CABCOCO1: variants seen among roughly 807,000 people sequenced by gnomAD.
CABCOCO1 encodes ciliary-associated calcium-binding coiled-coil protein 1.
Under a neutral mutation model 35.7 loss-of-function variants are expected in CABCOCO1, and 28 were observed. The ratio of observed to expected loss-of-function variants is 0.78; its 90% CI spans 0.58 to 1.07. The LOEUF is 1.07. CABCOCO1 is among the 50% of genes least tolerant of loss of function. CABCOCO1 has a pLI of 0.00. For missense variants in CABCOCO1, 326 were observed against 309.2 expected (o/e 1.05, Z -0.41); for synonymous variants, 95 against 100.1 (o/e 0.95, Z 0.30).
chr10:61,754,783 C>A (rs1372171433), intron 5 of CABCOCO1, among the ~76,000 whole-genome samples: 1 of 152,054 alleles, frequency 6.6e-6, no homozygotes, highest in Non-Finnish European at 1.5e-5. Flanking sequence ...TACTGTGTTA[C>A]CGTTCACTGT....
At chr10:61,759,997 G>T (rs1292133794) in intron 5 of CABCOCO1, 62 bp from the exon 6 acceptor site, 11 of 1,596,258 alleles carry the variant, frequency 6.9e-6, no homozygotes, top group South Asian at 2.2e-5. Flanking sequence ...TAACGGAACT[G>T]ACCGAAACTG....
intron 1 of CABCOCO1, among the ~76,000 whole-genome samples, chr10:61,663,911 A>G (rs920512553): frequency 6.6e-6 from 1 of 152,140 alleles, no homozygotes; most frequent in African/African-American, 2.4e-5. Context: ...TAAGGCTCTC[A>G]AGGTGAATAA....
At chr10:61,731,244 A>G (rs778181847) in intron 5 of CABCOCO1, among the ~76,000 whole-genome samples, 3 of 151,996 alleles carry the variant, frequency 2.0e-5, no homozygotes, top group African/African-American at 7.2e-5. Context: ...TTCTCTAACT[A>G]TATGTAAATT....
intron 5 of CABCOCO1, among the ~76,000 whole-genome samples, chr10:61,726,468 C>T (rs2132047986): frequency 1.3e-5 from 2 of 151,740 alleles, no homozygotes; most frequent in African/African-American, 4.8e-5. Context: ...ACAGAGCAAA[C>T]TATCTGGAAA....
intron 5 of CABCOCO1, among the ~76,000 whole-genome samples, chr10:61,717,793 T>C (rs1415426085): frequency 6.6e-6 from 1 of 152,138 alleles, no homozygotes; most frequent in Non-Finnish European, 1.5e-5. Context: ...GGAATTGAGG[T>C]GGGCCTTCAG....
intron 5 of CABCOCO1, among the ~76,000 whole-genome samples, chr10:61,692,662 C>T (rs921955312): frequency 1.2e-4 from 19 of 152,134 alleles, no homozygotes; most frequent in Middle Eastern, 3.2e-3. Flanking sequence ...GTCACCATTA[C>T]TCACTCTTCA....
chr10:61,700,949 GTATACATATACATACA>G (rs1564540328), intron 5 of CABCOCO1, among the ~76,000 whole-genome samples: 1 of 151,462 alleles, frequency 6.6e-6, no homozygotes, highest in East Asian at 1.9e-4. Flanking sequence ...ATACATACAT[GTATACATATACATACA>G]TGTATACATA....
chr10:61,727,950 T>C (rs749399350), intron 5 of CABCOCO1, among the ~76,000 whole-genome samples: 6 of 152,188 alleles, frequency 3.9e-5, no homozygotes, highest in Non-Finnish European at 8.8e-5. Context: ...AGGCAAAGTG[T>C]TTTATCAATG....
At chr10:61,760,025 C>G in intron 5 of CABCOCO1, 34 bp from the exon 6 acceptor site, 1 of 1,610,966 alleles carries the variant, frequency 6.2e-7, no homozygotes, top group Non-Finnish European at 8.5e-7. Flanking sequence ...TCACCAAAGG[C>G]TCTGTCATAA....
chr10:61,761,124 A>G, intron 7 of CABCOCO1, 121 bp downstream of exon 7: 1 of 1,013,384 alleles, frequency 9.9e-7, no homozygotes, highest in Non-Finnish European at 1.4e-6. Flanking sequence ...ACGAAGTTCA[A>G]TTTAACAGCT....
At position 61,720,334 on chromosome 10, in the gene CABCOCO1, C is replaced by CA. The variant is rs533400642; in HGVS notation, c.552+29721dup. Among the ~76,000 whole-genome samples the CA allele has an allele frequency of 5.5e-4, 83 of 151,160 alleles. 4 individuals carry two copies. The East Asian group carries it at 5.8e-3, about 11-fold the overall frequency. On this transcript the variant is annotated intron_variant, in intron 5 of 7. Coordinates refer to ENST00000648843, the MANE Select transcript of CABCOCO1 (RefSeq NM_001366906.2). ...TTACAAATTTTAGCAGCTTTACATGCAAAAAAAACTGTGGAACATTGTCAA... is the reference window on the plus strand; with the variant it reads ...TTACAAATTTTAGCAGCTTTACATGCAAAAAAAAACTGTGGAACATTGTCAA...
intron 5 of CABCOCO1, among the ~76,000 whole-genome samples, chr10:61,692,647 C>A (rs923446184): frequency 1.3e-5 from 2 of 152,220 alleles, no homozygotes; most frequent in African/African-American, 4.8e-5. Flanking sequence ...TTCATAAACA[C>A]CTCAGTCACC....
chr10:61,739,297 A>G (rs1841493184), intron 5 of CABCOCO1, among the ~76,000 whole-genome samples: 1 of 152,224 alleles, frequency 6.6e-6, no homozygotes, highest in African/African-American at 2.4e-5. Context: ...GAAATATTCT[A>G]TAATTCAGAC....
At chr10:61,765,486 T>C (rs1842089254) in intron 7 of CABCOCO1, among the ~76,000 whole-genome samples, 1 of 152,170 alleles carries the variant, frequency 6.6e-6, no homozygotes, top group African/African-American at 2.4e-5. Context: ...GTAAGGTTAT[T>C]TGTGTTGTTA....
intron 5 of CABCOCO1, among the ~76,000 whole-genome samples, chr10:61,747,895 A>G: frequency 6.6e-6 from 1 of 152,174 alleles, no homozygotes; most frequent in East Asian, 1.9e-4. Context: ...TCTTCATGCA[A>G]GTGTGAAAAC....
chr10:61,680,474 ATT>A (rs74194960), intron 2 of CABCOCO1, among the ~76,000 whole-genome samples: 1 of 20,006 alleles, frequency 5.0e-5, no homozygotes, highest in South Asian at 1.0e-3. Context: ...TATAATATAT[ATT>A]TATATATATA....
intron 1 of CABCOCO1, among the ~76,000 whole-genome samples, chr10:61,664,283 A>T (rs958914478): frequency 5.9e-5 from 9 of 152,224 alleles, no homozygotes; most frequent in African/African-American, 2.2e-4. Flanking sequence ...TGTTATTTAA[A>T]TATATACCAA....
intron 2 of CABCOCO1, among the ~76,000 whole-genome samples, chr10:61,673,736 A>G (rs1475601011): frequency 6.6e-6 from 1 of 152,216 alleles, no homozygotes; most frequent in Non-Finnish European, 1.5e-5. Context: ...TCTGCTGGAA[A>G]TTGATTATCT....
At chr10:61,679,592 A>C (rs913703455) in intron 2 of CABCOCO1, among the ~76,000 whole-genome samples, 2 of 152,226 alleles carry the variant, frequency 1.3e-5, no homozygotes, top group Admixed American at 6.5e-5. Context: ...AATGCCTGCT[A>C]GTTTGTAACT....
Sources: allele counts gnomAD v4.1 joint callset (sites outside exome capture counted in the v4.1 genomes callset), GRCh38; gene constraint gnomAD v4.1.1; transcripts MANE v1.5; gene names NCBI Gene and HGNC (gene_info 2026-07-23, HGNC 2026-07-21).